Variants in SH2D4B observed in about 807,000 individuals in gnomAD.
SH2D4B encodes the protein SH2 domain-containing protein 4B.
SH2D4B carries 45 observed loss-of-function variants against 61.5 expected under a neutral mutation model. The ratio of observed to expected loss-of-function variants is 0.73; its 90% confidence interval spans 0.58 to 0.94. The LOEUF (loss-of-function observed/expected upper bound fraction) is 0.94. Ranked by LOEUF, SH2D4B falls within the 40% of genes least tolerant of loss-of-function variation. The pLI is 0.00. For missense variants in SH2D4B, 572 were observed against 574.2 expected, an observed-to-expected ratio of 1.00 and a Z score of 0.04; for synonymous variants, 224 against 220.4, an observed-to-expected ratio of 1.02 and a Z score of -0.14.
chr10:80,541,523 G>A (rs1298190279), intron 1 of SH2D4B, among the ~76,000 whole-genome samples: 1 of 152,136 alleles, frequency 6.6e-6, no homozygotes, highest in East Asian at 1.9e-4. Context: ...GTTAGTCCTG[G>A]TCAGCCTAGA....
chr10:80,583,610 C>T (rs1842209581), intron 3 of SH2D4B, among the ~76,000 whole-genome samples: 1 of 151,990 alleles, frequency 6.6e-6, no homozygotes, highest in South Asian at 2.1e-4. Flanking sequence ...GTAGAGGTTA[C>T]AGTGAGCCAA....
chr10:80,623,792 G>A (rs1589361465), intron 6 of SH2D4B, among the ~76,000 whole-genome samples: 1 of 152,206 alleles, frequency 6.6e-6, no homozygotes, highest in East Asian at 1.9e-4. Context: ...GATGCATGCT[G>A]TGTGTGGCTC....
At chr10:80,617,730 C>T (rs1255617452) in intron 6 of SH2D4B, among the ~76,000 whole-genome samples, 1 of 152,214 alleles carries the variant, frequency 6.6e-6, no homozygotes, top group East Asian at 1.9e-4. Flanking sequence ...ATCCAGGGAG[C>T]TTAGGCTTTT....
In SH2D4B at chr10:80,634,425, G is replaced by A; in HGVS notation, c.1129G>A (p.Ala377Thr). 2 of 1,550,588 alleles carry A rather than the reference G, an allele frequency of 1.3e-6. No homozygotes were observed. Residue 377 changes from alanine (A) to threonine (T), a missense_variant, in exon 7 of 8, where the codon GCT becomes ACT. Physicochemically the swap from Ala to Thr is moderately conservative, Grantham distance 58 (BLOSUM62 0). Coordinates refer to ENST00000646907, the MANE Select transcript of SH2D4B (RefSeq NM_001388272.1). ...QKGFKHFLVD[A>T]SGDFYSFLGV... ...AGGGTTCAAACACTTTCTTGTGGATGCTTCTGGGGATTTTTACAGCTTCCT... is the reference window on the plus strand; with the variant it reads ...AGGGTTCAAACACTTTCTTGTGGATACTTCTGGGGATTTTTACAGCTTCCT...
chr10:80,603,512 T>A, intron 4 of SH2D4B, 67 bp from the exon 5 acceptor site: 1 of 1,382,374 alleles, frequency 7.2e-7, no homozygotes, highest in Non-Finnish European at 9.7e-7. Flanking sequence ...ATACTTCCTG[T>A]CCCAGCTGGC....
At chr10:80,630,972 C>A (rs921375339) in intron 6 of SH2D4B, among the ~76,000 whole-genome samples, 2 of 152,148 alleles carry the variant, frequency 1.3e-5, no homozygotes, top group African/African-American at 4.8e-5. Flanking sequence ...CACATAACAT[C>A]GTCACTTTGG....
rs144094417 is a variant in SH2D4B at position 80,588,512 on chromosome 10, G to A, written c.496-118G>A. On this transcript the variant is annotated intron_variant, in intron 3 of 7. Transcript: ENST00000646907. ...TTTCATACATGTAGGGACTGAGGCT[G>A]GAGAGGCCACTGCTGCACTCTCAGC... is the stretch of plus-strand genomic sequence containing the variant. 2.0e-5 allele frequency: 26 copies of A among 1,314,064 alleles called. No homozygotes were observed. The African/African-American group carries it at 2.2e-4, about 11-fold the overall frequency. The allele number at this position is 1,314,064 out of a possible 1,614,324, so 81.4% of individuals were successfully genotyped here.
chr10:80,567,889 C>T (rs1156528100), intron 1 of SH2D4B, among the ~76,000 whole-genome samples: 1 of 152,186 alleles, frequency 6.6e-6, no homozygotes, highest in African/African-American at 2.4e-5. Context: ...TCATGAACAA[C>T]CAAAGATTTT....
chr10:80,575,713 TGCA>T (rs1256797572), intron 3 of SH2D4B, among the ~76,000 whole-genome samples: 1 of 152,200 alleles, frequency 6.6e-6, no homozygotes, highest in Non-Finnish European at 1.5e-5. Context: ...AGGCAGAGGT[TGCA>T]GCGAGTGGAG....
rs148358442 is a variant in SH2D4B at position 80,571,246 on chromosome 10, G to A, written c.348-185G>A. On this transcript the variant is annotated intron_variant, in intron 2 of 7. Coordinates refer to ENST00000646907, the MANE Select transcript of SH2D4B (RefSeq NM_001388272.1). ...TGGGGTTTCTAGCATAGTTTTCCTG[G>A]CTTCCAGAACAATTGTGCCGATTTA... Among the ~76,000 whole-genome samples the A allele has an allele frequency of 2.6e-3, 391 of 152,226 alleles. 1 individual carries two copies. The highest frequency in any genetic ancestry group is 9.2e-3 in the African/African-American group (381 of 41,550).
chr10:80,609,045 G>A (rs56219677), intron 5 of SH2D4B, among the ~76,000 whole-genome samples: 56,650 of 151,978 alleles, frequency 0.37, 10,935 homozygotes, highest in East Asian at 0.58. Context: ...TGCCCTGGCC[G>A]TGCTCGAGGG....
In SH2D4B at chr10:80,555,972, A is replaced by G. The variant is rs77894191; in HGVS notation, c.185-14182A>G. On this transcript the variant is annotated intron_variant, in intron 1 of 7. Transcript: ENST00000646907. Reference sequence around the variant, plus strand: ...GCTGGGTTGTGAAGGAAACCCAGGTAAGACGATGTGATGAACATTTATGGC... The same window carrying G: ...GCTGGGTTGTGAAGGAAACCCAGGTGAGACGATGTGATGAACATTTATGGC... 6.4e-3 allele frequency among the ~76,000 whole-genome samples: 981 copies of G among 152,326 alleles called. 12 individuals are homozygous for G. The highest frequency in any genetic ancestry group is 0.023 in the African/African-American group (940 of 41,570).
intron 1 of SH2D4B, among the ~76,000 whole-genome samples, chr10:80,561,866 T>C (rs1444154454): frequency 1.3e-5 from 2 of 152,182 alleles, no homozygotes; most frequent in Non-Finnish European, 2.9e-5. Flanking sequence ...CCCAACTACA[T>C]AACTGGATGA....
intron 3 of SH2D4B, among the ~76,000 whole-genome samples, chr10:80,580,230 A>G (rs569837731): frequency 1.3e-5 from 2 of 152,356 alleles, no homozygotes; most frequent in South Asian, 4.1e-4. Context: ...ACAGGCTGGG[A>G]AGCCCAGCTT....
Position 80,571,446 on chromosome 10 carries a change from A to G in SH2D4B, c.363A>G (p.Ala121=). 6.2e-7 allele frequency: 1 copy of G among 1,614,042 alleles called. No homozygotes were observed. Among genetic ancestry groups the G allele is most frequent in the Non-Finnish European group, 8.5e-7 (1 of 1,179,886 alleles). ...CTCTTGGTAGGAGACAGAAGGAGGC[A>G]GAGATCACCAAGAAGTTCCGGGATG... is the stretch of plus-strand genomic sequence containing the variant. ...EAEELWRQKE[A]EITKKFRDAL... The change falls in exon 3 of 8, where the codon GCA becomes GCG. Residue 121 remains alanine, a synonymous_variant. Transcript: ENST00000646907.
At chr10:80,634,170 T>C in intron 6 of SH2D4B, 115 bp from the exon 7 acceptor site, 1 of 1,366,444 alleles carries the variant, frequency 7.3e-7, no homozygotes. Context: ...CCCTGGACTG[T>C]GTGGATGGCA....
chr10:80,541,108 G>C (rs549216537), intron 1 of SH2D4B, among the ~76,000 whole-genome samples: 1 of 152,298 alleles, frequency 6.6e-6, no homozygotes, highest in Non-Finnish European at 1.5e-5. Flanking sequence ...GCAGAGTCTG[G>C]GTTTCTAATT....
chr10:80,555,155 G>C (rs998932676), intron 1 of SH2D4B, among the ~76,000 whole-genome samples: 2 of 152,154 alleles, frequency 1.3e-5, no homozygotes, highest in Non-Finnish European at 2.9e-5. Flanking sequence ...ACTGTGTGCA[G>C]TGTGCTTCCG....
At chr10:80,554,199 T>C (rs1841797665) in intron 1 of SH2D4B, among the ~76,000 whole-genome samples, 2 of 152,188 alleles carry the variant, frequency 1.3e-5, no homozygotes, top group South Asian at 2.1e-4. Flanking sequence ...CACATCGCTG[T>C]TGGGGCAGCC....
Sources: allele counts gnomAD v4.1 joint callset (sites outside exome capture counted in the v4.1 genomes callset), GRCh38; gene constraint gnomAD v4.1.1; transcripts MANE v1.5; gene names NCBI Gene and HGNC (gene_info 2026-07-23, HGNC 2026-07-21).